JARID2: variants seen among roughly 807,000 people sequenced by gnomAD.
JARID2 encodes the protein jumonji and AT-rich interaction domain containing 2, also known as protein Jumonji.
In JARID2, 21 loss-of-function variants were observed where a neutral mutation model predicts 125.6. That is an observed-to-expected ratio of 0.17 (90% CI 0.12 to 0.24). The LOEUF (loss-of-function observed/expected upper bound fraction) is 0.24, where lower values mean the gene tolerates loss of function less well. JARID2 is among the 10% of genes least tolerant of loss of function. The probability of loss-of-function intolerance (pLI) is 1.00; values close to 1 mark genes in which losing one functional copy is unlikely to be tolerated. For synonymous variants in JARID2, 736 were observed against 661.6 expected (o/e 1.11, Z -1.73); for missense variants, 1,303 against 1,639.6 (o/e 0.79, Z 3.55).
intron 1 of JARID2, among the ~76,000 whole-genome samples, chr6:15,330,400 CAG>C (rs1308138001): frequency 6.6e-6 from 1 of 152,206 alleles, no homozygotes; most frequent in Non-Finnish European, 1.5e-5. Context: ...CTTGTGTGGC[CAG>C]AGTTTGATAC....
At chr6:15,282,319 T>G (rs2127378170) in intron 1 of JARID2, among the ~76,000 whole-genome samples, 1 of 152,324 alleles carries the variant, frequency 6.6e-6, no homozygotes, top group South Asian at 2.1e-4. Flanking sequence ...TAACAGCATA[T>G]GAGAGTCTTT....
chr6:15,246,242 G>T lies in JARID2; in HGVS notation c.-298G>T. On this transcript the variant is annotated 5_prime_UTR_variant, in exon 1 of 18. Coordinates refer to ENST00000341776, the MANE Select transcript of JARID2 (RefSeq NM_004973.4). Reference sequence around the variant, plus strand: ...AAAGGGGGGGGAGTGAAGGGCGTCGGTTTTTTTTTGTGTGTGTGTGTATGT... The same window carrying T: ...AAAGGGGGGGGAGTGAAGGGCGTCGTTTTTTTTTTGTGTGTGTGTGTATGT... The T allele has an allele frequency of 4.4e-6, 2 of 456,742 alleles. No individual in the cohort carries two copies. Among genetic ancestry groups the T allele is most frequent in the South Asian group, 4.3e-5 (1 of 23,110 alleles). 28.3% of individuals were successfully genotyped at this position (456,742 alleles called of 1,614,324 possible).
chr6:15,468,727 A>G lies in JARID2; in HGVS notation c.670+9A>G, dbSNP rs886791404. 6.2e-6 allele frequency: 10 copies of G among 1,601,398 alleles called. No homozygotes were observed. Among genetic ancestry groups the G allele is most frequent in the Non-Finnish European group, 8.5e-6 (10 of 1,173,662 alleles). On this transcript the variant is annotated intron_variant, in intron 5 of 17. Coordinates refer to ENST00000341776, the MANE Select transcript of JARID2 (RefSeq NM_004973.4). The stretch of plus-strand genomic sequence containing the variant: ...TGTTCACAACGGGCATGGTAGGTCC[A>G]CCGTTGAACTTGGATAAGAAAAAAT...
rs1036297042 is a variant in JARID2, at chr6:15,509,340, A to G, written c.2846+886A>G. The G allele has an allele frequency of 2.5e-5, 25 of 985,344 alleles. No individual in the cohort carries two copies. In the African/African-American group the frequency reaches 3.7e-4, roughly 14 times the overall value. The allele number at this position is 985,344 out of a possible 1,614,324, so 61.0% of individuals were successfully genotyped here. A position where few individuals can be genotyped will look rare whatever the true frequency, so the allele number is the denominator to read the frequency against. On this transcript the variant is annotated intron_variant, in intron 12 of 17. Transcript: ENST00000341776. ...TATTGCCCTAATGGGGTGATTAAAC[A>G]TTCTTTATTAAAATAAACAAAGTCT...
At chr6:15,389,404 A>C (rs1764917078) in intron 2 of JARID2, among the ~76,000 whole-genome samples, 1 of 152,204 alleles carries the variant, frequency 6.6e-6, no homozygotes, top group African/African-American at 2.4e-5. Flanking sequence ...GTCTGCTTCC[A>C]TCCCATGTGA....
At chr6:15,316,808 T>C (rs1402745347) in intron 1 of JARID2, among the ~76,000 whole-genome samples, 1 of 152,206 alleles carries the variant, frequency 6.6e-6, no homozygotes, top group African/African-American at 2.4e-5. Context: ...GGCCCACTGC[T>C]ATTGTTTTTA....
intron 5 of JARID2, among the ~76,000 whole-genome samples, chr6:15,479,739 G>A (rs968142212): frequency 1.3e-5 from 2 of 152,214 alleles, no homozygotes; most frequent in African/African-American, 2.4e-5. Context: ...CCCTGTGCGA[G>A]TGAGCTGCTG....
chr6:15,332,416 C>T (rs185203477), intron 1 of JARID2, among the ~76,000 whole-genome samples: 26 of 152,288 alleles, frequency 1.7e-4, no homozygotes, highest in South Asian at 1.2e-3. Context: ...ATTTTCATTT[C>T]ATTAACCTGG....
At chr6:15,342,577 CT>C (rs1026111227) in intron 1 of JARID2, among the ~76,000 whole-genome samples, 1 of 152,100 alleles carries the variant, frequency 6.6e-6, no homozygotes, top group African/African-American at 2.4e-5. Context: ...CTTAGTGCAC[CT>C]TCATAATTAA....
At chr6:15,425,079 C>T (rs1029156463) in intron 3 of JARID2, among the ~76,000 whole-genome samples, 3 of 152,096 alleles carry the variant, frequency 2.0e-5, no homozygotes, top group Non-Finnish European at 2.9e-5. Context: ...ACAAGGCTCC[C>T]GGTATGTAAT....
chr6:15,493,670 C>T (rs1483846831), intron 6 of JARID2, among the ~76,000 whole-genome samples: 1 of 151,226 alleles, frequency 6.6e-6, no homozygotes, highest in Non-Finnish European at 1.5e-5. Flanking sequence ...CCCCACCCAG[C>T]CCCACCAGCC....
At chr6:15,272,348 G>C (rs904849703) in intron 1 of JARID2, among the ~76,000 whole-genome samples, 1 of 152,120 alleles carries the variant, frequency 6.6e-6, no homozygotes, top group Non-Finnish European at 1.5e-5. Flanking sequence ...TCTTGCTTTA[G>C]TAGACAAAGA....
At chr6:15,450,139 A>G (rs1295576346) in intron 3 of JARID2, among the ~76,000 whole-genome samples, 2 of 152,124 alleles carry the variant, frequency 1.3e-5, no homozygotes, top group East Asian at 3.9e-4. Context: ...AAGGGAATAC[A>G]TCTGCTCTCT....
chr6:15,465,338 A>C (rs1354279417), intron 4 of JARID2, among the ~76,000 whole-genome samples: 1 of 152,162 alleles, frequency 6.6e-6, no homozygotes, highest in Non-Finnish European at 1.5e-5. Flanking sequence ...CTGTAGTCCC[A>C]GCTACAGGAG....
At chr6:15,345,594 T>G (rs1363370295) in intron 1 of JARID2, among the ~76,000 whole-genome samples, 1 of 152,252 alleles carries the variant, frequency 6.6e-6, no homozygotes, top group Non-Finnish European at 1.5e-5. Context: ...CATATTAATT[T>G]ATTTAATATT....
chr6:15,416,404 C>T (rs1331441626), intron 3 of JARID2, among the ~76,000 whole-genome samples: 1 of 152,204 alleles, frequency 6.6e-6, no homozygotes, highest in Non-Finnish European at 1.5e-5. Context: ...CACCATTGAG[C>T]ACTGAGTGAA....
chr6:15,463,761 A>G (rs1318385825), intron 4 of JARID2, among the ~76,000 whole-genome samples: 1 of 152,158 alleles, frequency 6.6e-6, no homozygotes, highest in Non-Finnish European at 1.5e-5. Context: ...TCTGCTAGAT[A>G]CGAAGTTTCT....
rs571182904 is a variant in JARID2 at position 15,317,893 on chromosome 6, C to T, written c.46-56224C>T. Among the ~76,000 whole-genome samples the T allele has an allele frequency of 2.5e-3, 385 of 152,302 alleles. 2 individuals are homozygous for T. Among genetic ancestry groups the T allele is most frequent in the Middle Eastern group, 0.01 (3 of 294 alleles). ...CCACAAAACTGGTGTATTTAGGCGT[C>T]CCCTCTTCTCCTGTGTTTGTTGCTG... On this transcript the variant is annotated intron_variant, in intron 1 of 17. Coordinates refer to ENST00000341776, the MANE Select transcript of JARID2 (RefSeq NM_004973.4).
chr6:15,493,315 G>A (rs1338564748), intron 6 of JARID2, among the ~76,000 whole-genome samples: 1 of 152,126 alleles, frequency 6.6e-6, no homozygotes, highest in Non-Finnish European at 1.5e-5. Flanking sequence ...TAGAGGGAAG[G>A]GATTTACATT....
Sources: allele counts gnomAD v4.1 joint callset (sites outside exome capture counted in the v4.1 genomes callset), GRCh38; gene constraint gnomAD v4.1.1; transcripts MANE v1.5; gene names NCBI Gene and HGNC (gene_info 2026-07-23, HGNC 2026-07-21).